The following CNTN5 variants were observed in gnomAD, a reference collection of about 807,000 sequenced individuals.
CNTN5 encodes contactin-5.
Under a neutral mutation model 129.1 loss-of-function variants are expected in CNTN5, and 77 were observed. The observed-to-expected ratio is 0.60, with a 90% CI of 0.50 to 0.72. The LOEUF is 0.72. Among genes scored for constraint, CNTN5 ranks in the 30% least tolerant of loss-of-function variants. CNTN5 has a pLI of 0.00. For missense variants in CNTN5, 1,478 were observed against 1,328.8 expected (o/e 1.11, Z -1.75); for synonymous variants, 509 against 465.6 (o/e 1.09, Z -1.20).
chr11:99,663,449 C>T (rs927660052), intron 3 of CNTN5, among the ~76,000 whole-genome samples: 6 of 152,174 alleles, frequency 3.9e-5, no homozygotes, highest in African/African-American at 1.2e-4. Flanking sequence ...TCCTGGGTAA[C>T]AGAGCGAGAC....
chr11:99,073,373 G>GTTTTTTTTTTT (rs1491116506), intron 1 of CNTN5, among the ~76,000 whole-genome samples: 4 of 87,332 alleles, frequency 4.6e-5, no homozygotes, highest in Non-Finnish European at 4.9e-5. Context: ...TTTATGGTTT[G>GTTTTTTTTTTT]GTTTTTTTTT....
chr11:100,225,846 A>C (rs927345702), intron 16 of CNTN5, among the ~76,000 whole-genome samples: 1 of 152,100 alleles, frequency 6.6e-6, no homozygotes, highest in African/African-American at 2.4e-5. Flanking sequence ...CTTACAATTT[A>C]AATATTAAAA....
chr11:99,856,796 C>G (rs546836766), intron 6 of CNTN5, among the ~76,000 whole-genome samples: 1 of 152,118 alleles, frequency 6.6e-6, no homozygotes, highest in African/African-American at 2.4e-5. Context: ...GCCTCAAGAC[C>G]ATTTATTATT....
At position 100,203,799 on chromosome 11, in the gene CNTN5, T is replaced by TACACCCACACAC. The variant is rs373015585; in HGVS notation, c.1884+10140_1884+10141insCCACACACACAC. ...CCATCCAATTACATAAATGTGCACG[T>TACACCCACACAC]ACACACACACACACACACACACACA... is the stretch of plus-strand genomic sequence containing the variant. On this transcript the variant is annotated intron_variant, in intron 15 of 24. Transcript: ENST00000524871. Among the ~76,000 whole-genome samples, 732 of 139,186 alleles carry TACACCCACACAC rather than the reference T, an allele frequency of 5.3e-3. 7 individuals are homozygous for TACACCCACACAC. The highest frequency in any genetic ancestry group is 0.019 in the African/African-American group (698 of 36,810). The allele number at this position is 139,186 out of a possible 152,430, so 91.3% of individuals were successfully genotyped here. A position where few individuals can be genotyped will look rare whatever the true frequency, so the allele number is the denominator to read the frequency against.
intron 1 of CNTN5, among the ~76,000 whole-genome samples, chr11:99,080,474 C>G (rs1294715258): frequency 6.6e-6 from 1 of 152,154 alleles, no homozygotes; most frequent in Non-Finnish European, 1.5e-5. Context: ...TTAAAGGTAG[C>G]AAGATTTTTT....
At chr11:99,299,934 G>A (rs931309544) in intron 1 of CNTN5, among the ~76,000 whole-genome samples, 3 of 152,066 alleles carry the variant, frequency 2.0e-5, no homozygotes, top group African/African-American at 7.2e-5. Context: ...ACTTGATCTA[G>A]TGATAGTTCT....
chr11:99,925,135 T>C (rs1391802927), intron 7 of CNTN5, among the ~76,000 whole-genome samples: 1 of 152,136 alleles, frequency 6.6e-6, no homozygotes, highest in Non-Finnish European at 1.5e-5. Context: ...CTACTATCAC[T>C]CCTCCAGTTA....
Position 100,247,164 on chromosome 11 carries a change from TA to T in CNTN5, c.2006-8593del, listed in dbSNP as rs374357748. Among the ~76,000 whole-genome samples the T allele has an allele frequency of 5.3e-4, 80 of 152,240 alleles. 1 individual carries two copies. The East Asian group carries it at 7.1e-3, about 14-fold the overall frequency. ...GAGCATAGATTCAAAATGTGAAGCC[TA>T]AATAGGTGTTAAATAGGCAAAGTAA... is the stretch of plus-strand genomic sequence containing the variant. On this transcript the variant is annotated intron_variant, in intron 16 of 24. Coordinates refer to ENST00000524871, the MANE Select transcript of CNTN5 (RefSeq NM_014361.4).
intron 8 of CNTN5, among the ~76,000 whole-genome samples, chr11:99,980,113 A>G (rs1938238367): frequency 1.3e-5 from 2 of 151,538 alleles, no homozygotes; most frequent in African/African-American, 4.8e-5. Context: ...CTGTCATTTT[A>G]GGTATTAATT....
chr11:99,942,997 C>T (rs1950474723), intron 7 of CNTN5, among the ~76,000 whole-genome samples: 1 of 151,958 alleles, frequency 6.6e-6, no homozygotes, highest in African/African-American at 2.4e-5. Context: ...GTAAACAGTG[C>T]TCCAATAAAC....
intron 6 of CNTN5, among the ~76,000 whole-genome samples, chr11:99,867,640 C>T (rs1156893302): frequency 6.6e-6 from 1 of 152,166 alleles, no homozygotes; most frequent in African/African-American, 2.4e-5. Flanking sequence ...CACATCTGTC[C>T]TGACTCTTCT....
chr11:99,529,841 A>T (rs11220318), intron 2 of CNTN5, among the ~76,000 whole-genome samples: 9,748 of 152,264 alleles, frequency 0.064, 370 homozygotes, highest in Non-Finnish European at 0.077. Flanking sequence ...TGGAGTATGG[A>T]AAAGAAAAAA....
At chr11:99,629,650 C>T (rs192330540) in intron 3 of CNTN5, among the ~76,000 whole-genome samples, 40 of 143,832 alleles carry the variant, frequency 2.8e-4, no homozygotes, top group African/African-American at 1.0e-3. Context: ...AATTGATGTA[C>T]ATATAATTTT....
chr11:99,832,702 T>A (rs56210040), intron 4 of CNTN5, among the ~76,000 whole-genome samples: 36,139 of 152,152 alleles, frequency 0.24, 4,859 homozygotes, highest in Non-Finnish European at 0.32. Flanking sequence ...TCATAAAATA[T>A]AATTTCTAGT....
chr11:99,026,482 CTCTT>C (rs1340505863), intron 1 of CNTN5, among the ~76,000 whole-genome samples: 1 of 151,548 alleles, frequency 6.6e-6, no homozygotes. Context: ...ATTTAATACT[CTCTT>C]CCTCCTTCTG....
intron 20 of CNTN5, among the ~76,000 whole-genome samples, chr11:100,300,919 A>C (rs947363898): frequency 1.3e-5 from 2 of 151,618 alleles, no homozygotes; most frequent in African/African-American, 4.8e-5. Flanking sequence ...CTTAATCTAC[A>C]TTTCAGGAAA....
intron 2 of CNTN5, among the ~76,000 whole-genome samples, chr11:99,509,325 T>C (rs3133442): frequency 0.49 from 73,967 of 152,006 alleles, 19,037 homozygotes; most frequent in Middle Eastern, 0.63. Flanking sequence ...CCATCGTACA[T>C]GAAAAATTCT....
intron 13 of CNTN5, among the ~76,000 whole-genome samples, chr11:100,183,884 C>T (rs1315808816): frequency 6.6e-6 from 1 of 152,090 alleles, no homozygotes; most frequent in African/African-American, 2.4e-5. Context: ...TCCCCCTCGC[C>T]TACCTCTCCA....
At chr11:100,331,427 A>C (rs1309856543) in intron 21 of CNTN5, among the ~76,000 whole-genome samples, 1 of 152,166 alleles carries the variant, frequency 6.6e-6, no homozygotes, top group African/African-American at 2.4e-5. Context: ...ATAGGTCATC[A>C]AGACAGAAAG....
Sources: allele counts gnomAD v4.1 joint callset (sites outside exome capture counted in the v4.1 genomes callset), GRCh38; gene constraint gnomAD v4.1.1; transcripts MANE v1.5; gene names NCBI Gene and HGNC (gene_info 2026-07-23, HGNC 2026-07-21).